The following MYH4 variants were observed in gnomAD, a reference collection of about 807,000 sequenced individuals.
MYH4 encodes myosin-4.
MYH4 carries 200 observed loss-of-function variants against 229.9 expected under a neutral mutation model. The observed-to-expected ratio is 0.87, with a 90% CI of 0.78 to 0.98. The LOEUF (loss-of-function observed/expected upper bound fraction) is 0.98. MYH4 is among the 50% of genes least tolerant of loss of function. MYH4 has a pLI of 0.00. For missense variants in MYH4, 2,148 were observed against 2,332.6 expected, an observed-to-expected ratio of 0.92 and a Z score of 1.63; for synonymous variants, 761 against 834.6, an observed-to-expected ratio of 0.91 and a Z score of 1.52.
At position 10,453,639 on chromosome 17, in the gene MYH4, G is replaced by C; in HGVS notation, c.2934+4C>G. 6.2e-7 allele frequency: 1 copy of C among 1,614,012 alleles called. No homozygotes were observed. Among genetic ancestry groups the C allele is most frequent in the East Asian group, 2.2e-5 (1 of 44,880 alleles). ...AATATTCTAAAATGGATCATGATTTGTACCTTGTTCTCTGTGGCATGTTTC... is the reference window on the plus strand; with the variant it reads ...AATATTCTAAAATGGATCATGATTTCTACCTTGTTCTCTGTGGCATGTTTC... On this transcript the variant is annotated splice_donor_region_variant and intron_variant, in intron 23 of 39. Coordinates refer to ENST00000255381, the MANE Select transcript of MYH4 (RefSeq NM_017533.2).
Position 10,448,881 on chromosome 17 carries a change from GCTT to G in MYH4, c.4345_4347del (p.Lys1449del), listed in dbSNP as rs2072542710. 9 of 1,614,062 alleles carry G rather than the reference GCTT, an allele frequency of 5.6e-6. No individual in the cohort carries two copies. The highest frequency in any genetic ancestry group is 7.6e-6 in the Non-Finnish European group (9 of 1,180,000). ...TGGACCACCTTGTCAAAGTTTCTTT[GCTT>G]CTTATCGAGAGCTATGCAGGCAGCA... is the stretch of plus-strand genomic sequence containing the variant. On this transcript the variant is annotated inframe_deletion, in exon 31 of 40. Transcript: ENST00000255381.
chr17:10,447,438 T>G (rs953738053), intron 34 of MYH4, among the ~76,000 whole-genome samples: 1 of 152,206 alleles, frequency 6.6e-6, no homozygotes, highest in Non-Finnish European at 1.5e-5. Flanking sequence ...AAAAATACCA[T>G]GGCTAGCTCT....
In MYH4 at chr17:10,466,338, T is replaced by A; in HGVS notation, c.283A>T (p.Thr95Ser). The change falls in exon 4 of 40, where the codon ACT (threonine) becomes TCT (serine). Residue 95 changes from threonine (T) to serine (S), a missense_variant. Thr to Ser is a moderately conservative substitution (Grantham distance 58, BLOSUM62 1). Transcript: ENST00000255381. ...AGCACAGCAGGCTCATGCAGGTGAG[T>A]CATCATGGCCATGTCCTCGATCTTG... ...YDKIEDMAMM[T>S]HLHEPAVLYN... 1 of 1,613,996 alleles carries A rather than the reference T, an allele frequency of 6.2e-7. No homozygotes were observed. The highest frequency in any genetic ancestry group is 8.5e-7 in the Non-Finnish European group (1 of 1,180,002).
At chr17:10,464,175 C>A (rs1342233875) in intron 7 of MYH4, among the ~76,000 whole-genome samples, 1 of 152,120 alleles carries the variant, frequency 6.6e-6, no homozygotes, top group South Asian at 2.1e-4. Flanking sequence ...TCCTACCCTT[C>A]CCCATCTAGT....
chr17:10,456,607 C>T (rs1597420191), intron 16 of MYH4, 52 bp from the exon 17 acceptor site: 3 of 1,473,780 alleles, frequency 2.0e-6, no homozygotes, highest in Non-Finnish European at 2.8e-6. Flanking sequence ...CTTTTAAGTA[C>T]TATCCATAAA....
intron 12 of MYH4, 100 bp from the exon 13 acceptor site, chr17:10,460,421 GA>G: frequency 1.0e-6 from 1 of 966,034 alleles, no homozygotes. Context: ...CAAAAAGTAA[GA>G]TGTGCAAATG....
In MYH4 at chr17:10,453,492, G is replaced by A. The variant is rs531259628; in HGVS notation, c.2934+151C>T. ...TGAAAAAATAGGAGGTAAAGGTCAA[G>A]TAAGTACATTGAGGTGGTGAAGACT... On this transcript the variant is annotated intron_variant, in intron 23 of 39. Transcript: ENST00000255381. The A allele has an allele frequency of 7.1e-5, 110 of 1,540,914 alleles. No homozygotes were observed. In the South Asian group the frequency reaches 1.3e-3, roughly 18 times the overall value.
At chr17:10,455,421 T>G in intron 19 of MYH4, 126 bp from the exon 20 acceptor site, 2 of 1,305,134 alleles carry the variant, frequency 1.5e-6, no homozygotes, top group Non-Finnish European at 2.1e-6. Flanking sequence ...ATTTAAAAAG[T>G]CAGTGCTTTA....
chr17:10,466,872 A>G (rs139414115), intron 2 of MYH4, 88 bp from the exon 3 acceptor site: 39 of 1,229,922 alleles, frequency 3.2e-5, no homozygotes, highest in Middle Eastern at 2.2e-4. Context: ...TTAATTTTCC[A>G]TGCTTGTTTC....
intron 15 of MYH4, among the ~76,000 whole-genome samples, chr17:10,458,787 T>C (rs2072668791): frequency 6.6e-6 from 1 of 152,180 alleles, no homozygotes; most frequent in East Asian, 1.9e-4. Flanking sequence ...TCAGTAGTTA[T>C]CATGAACGGG....
intron 15 of MYH4, among the ~76,000 whole-genome samples, chr17:10,458,123 C>T (rs1027386439): frequency 6.6e-5 from 10 of 152,124 alleles, no homozygotes; most frequent in African/African-American, 2.4e-4. Flanking sequence ...TGTGTAAGGA[C>T]TAAAAATGAT....
At chr17:10,461,549 A>G (rs993459755) in intron 11 of MYH4, among the ~76,000 whole-genome samples, 17 of 152,302 alleles carry the variant, frequency 1.1e-4, no homozygotes, top group Middle Eastern at 3.4e-3. Context: ...AGTTGGAAAG[A>G]GGGTATGAGG....
At chr17:10,453,098 T>G in intron 24 of MYH4, 54 bp downstream of exon 24, 1 of 1,609,258 alleles carries the variant, frequency 6.2e-7, no homozygotes, top group East Asian at 2.2e-5. Flanking sequence ...GCTGGTTTCA[T>G]GTCACAATTG....
In MYH4 at chr17:10,469,526, C is replaced by T. The variant is rs2072801181; in HGVS notation, c.-89+11G>A. 6.6e-6 allele frequency: 1 copy of T among 152,186 alleles called. No individual in the cohort carries two copies. The highest frequency in any genetic ancestry group is 2.4e-5 in the African/African-American group (1 of 41,438). 9.4% of individuals were successfully genotyped at this position (152,186 alleles called of 1,614,324 possible). ...GAATGTAAAAGTAAGTGTTCTTCCA[C>T]ATATACATACCTTCAAGAATTTTGA... On this transcript the variant is annotated intron_variant, in intron 1 of 39. Transcript: ENST00000255381.
At chr17:10,453,527 A>C in intron 23 of MYH4, 116 bp downstream of exon 23, 1 of 1,573,424 alleles carries the variant, frequency 6.4e-7, no homozygotes, top group Non-Finnish European at 8.7e-7. Context: ...TAAAGAGATG[A>C]AATAGTTATG....
intron 35 of MYH4, 41 bp from the exon 36 acceptor site, chr17:10,445,403 T>C: frequency 6.2e-7 from 1 of 1,611,030 alleles, no homozygotes; most frequent in Non-Finnish European, 8.5e-7. Flanking sequence ...CACATTTACT[T>C]ATAACAACTC....
chr17:10,451,791 T>C (rs1422153432), intron 27 of MYH4, 150 bp downstream of exon 27: 11 of 995,774 alleles, frequency 1.1e-5, no homozygotes, highest in African/African-American at 1.6e-5. Context: ...AGAACTTAAG[T>C]GATTCAATAC....
intron 4 of MYH4, 93 bp from the exon 5 acceptor site, chr17:10,465,691 A>C: frequency 6.6e-7 from 1 of 1,504,880 alleles, no homozygotes; most frequent in Non-Finnish European, 9.2e-7. Flanking sequence ...GGACCTAAGT[A>C]CTGTGTTAGT....
Position 10,455,741 on chromosome 17 carries a change from T to C in MYH4, c.2057-10A>G, listed in dbSNP as rs1033161168. ...TCATGCTCCATGGCACCTAAGAGAATGAATCCACATGCCATACTTCGTGGT... is the reference window on the plus strand; with the variant it reads ...TCATGCTCCATGGCACCTAAGAGAACGAATCCACATGCCATACTTCGTGGT... On this transcript the variant is annotated splice_polypyrimidine_tract_variant and intron_variant, in intron 18 of 39. Transcript: ENST00000255381. The C allele has an allele frequency of 6.2e-7, 1 of 1,614,124 alleles. No homozygotes were observed. The highest frequency in any genetic ancestry group is 8.5e-7 in the Non-Finnish European group (1 of 1,180,008).
Sources: gnomAD v4.1 joint callset for allele counts (sites outside exome capture counted in the v4.1 genomes callset) on GRCh38, gnomAD v4.1.1 for gene constraint, MANE v1.5 for transcripts, NCBI Gene and HGNC (gene_info 2026-07-23, HGNC 2026-07-21) for gene names.